The following RNF217 variants were observed in gnomAD, a reference collection of about 807,000 sequenced individuals.
RNF217 encodes ring finger protein 217, also known as E3 ubiquitin-protein ligase RNF217.
A neutral mutation model predicts 57.8 loss-of-function variants in RNF217; 31 were observed. The ratio of observed to expected loss-of-function variants is 0.54; its 90% CI spans 0.40 to 0.72. The LOEUF (loss-of-function observed/expected upper bound fraction) is 0.72. Ranked by LOEUF, RNF217 falls within the 30% of genes least tolerant of loss-of-function variation. RNF217 has a pLI of 0.00. For synonymous variants in RNF217, 313 were observed against 294.0 expected (o/e 1.06, Z -0.66); for missense variants, 696 against 708.3 (o/e 0.98, Z 0.20).
In RNF217 at chr6:124,962,719, T is replaced by G; in HGVS notation, c.175T>G (p.Trp59Gly). Residue 59 changes from tryptophan (W) to glycine (G), a missense_variant, in exon 1 of 6, where the codon TGG becomes GGG. Around this residue, in one of 2 missense-constraint regions of RNF217, gnomAD observed 465 missense variants for 386.8 expected, o/e 1.20. Coordinates refer to ENST00000521654, the MANE Select transcript of RNF217 (RefSeq NM_001286398.3). The surrounding 1 kb of genome is among the most constrained non-coding windows in gnomAD (Gnocchi z 4.6). The part of the protein sequence containing the change: ...EPSGGGCGSD[W>G]GCADTSAPEP... Reference sequence around the variant, plus strand: ...GAGCGGCGGTGGCTGCGGAAGCGACTGGGGCTGCGCGGACACCAGCGCCCC... The same window carrying G: ...GAGCGGCGGTGGCTGCGGAAGCGACGGGGGCTGCGCGGACACCAGCGCCCC... 1 of 1,518,672 alleles carries G rather than the reference T, an allele frequency of 6.6e-7. No individual in the cohort carries two copies. The highest frequency in any genetic ancestry group is 8.7e-7 in the Non-Finnish European group (1 of 1,145,828). The allele number at this position is 1,518,672 out of a possible 1,614,324, so 94.1% of individuals were successfully genotyped here.
chr6:125,065,232 A>C (rs1582769557), intron 3 of RNF217, among the ~76,000 whole-genome samples: 1 of 149,758 alleles, frequency 6.7e-6, no homozygotes, highest in Non-Finnish European at 1.5e-5. Flanking sequence ...CAGAGGTTGC[A>C]GTGAGCCGAG....
chr6:124,983,952 T>G (rs534210671), intron 1 of RNF217, among the ~76,000 whole-genome samples: 2 of 152,282 alleles, frequency 1.3e-5, no homozygotes, highest in South Asian at 4.1e-4. Context: ...GCACCTTCTA[T>G]GCATCCTCAC....
chr6:125,032,822 A>C (rs1400617316), intron 1 of RNF217, among the ~76,000 whole-genome samples: 1 of 152,206 alleles, frequency 6.6e-6, no homozygotes, highest in Non-Finnish European at 1.5e-5. Context: ...AGAAAAGTTT[A>C]AGTAATGTAA....
At chr6:124,969,571 AG>A (rs1783683671) in intron 1 of RNF217, among the ~76,000 whole-genome samples, 1 of 152,198 alleles carries the variant, frequency 6.6e-6, no homozygotes, top group African/African-American at 2.4e-5. Context: ...ATAGTAAGAA[AG>A]ACCATTTATT....
intron 3 of RNF217, among the ~76,000 whole-genome samples, chr6:125,071,490 G>A (rs1168891810): frequency 4.0e-5 from 1 of 25,214 alleles, no homozygotes; most frequent in Non-Finnish European, 9.2e-5. Context: ...ACATATGTGT[G>A]TGTGTGTGTG....
chr6:125,075,272 G>C (rs548118511), intron 3 of RNF217, among the ~76,000 whole-genome samples: 2 of 152,264 alleles, frequency 1.3e-5, no homozygotes, highest in South Asian at 4.2e-4. Flanking sequence ...TGAAGTAGTA[G>C]ACTATTTTTA....
Position 125,045,341 on chromosome 6 carries a change from G to T in RNF217, c.1013G>T (p.Arg338Leu). ...IKYKYFLELGRIDSSTKPCPQ... is the reference protein window; with the variant it reads ...IKYKYFLELGLIDSSTKPCPQ... Reference sequence around the variant, plus strand: ...TATAAGTACTTCTTGGAACTTGGCCGTATTGATTCCAGCACCAAGCCATGT... The same window carrying T: ...TATAAGTACTTCTTGGAACTTGGCCTTATTGATTCCAGCACCAAGCCATGT... Residue 338 changes from arginine to leucine, a missense_variant, in exon 2 of 6, where the codon CGT becomes CTT. Physicochemically the swap from Arg to Leu is moderately radical, Grantham distance 102. Coordinates refer to ENST00000521654, the MANE Select transcript of RNF217 (RefSeq NM_001286398.3). 2 of 1,613,348 alleles carry T rather than the reference G, an allele frequency of 1.2e-6. No homozygotes were observed. Among genetic ancestry groups the T allele is most frequent in the Non-Finnish European group, 1.7e-6 (2 of 1,179,624 alleles).
rs372456171 is a variant in RNF217, at chr6:125,086,285, C to A, written c.*3348C>A. ...TTCTGCCTGATTAGCCAAATAAATA[C>A]CTTGCCAAAACTTACAATAGGAAAT... On this transcript the variant is annotated 3_prime_UTR_variant, in exon 6 of 6. Transcript: ENST00000521654. The A allele has an allele frequency of 6.6e-6, 1 of 151,796 alleles. No homozygotes were observed. Among genetic ancestry groups the A allele is most frequent in the Non-Finnish European group, 1.5e-5 (1 of 67,912 alleles). 9.4% of individuals were successfully genotyped at this position (151,796 alleles called of 1,614,324 possible).
rs2114331281 is a variant in RNF217, at chr6:125,007,690, G to A, written c.883-37521G>A. ...CTTGTTCTTAACTGTGGTTTGCACT[G>A]TCTTATAGTCATCCTTACTGGGGGG... is the stretch of plus-strand genomic sequence containing the variant. On this transcript the variant is annotated intron_variant, in intron 1 of 5. Transcript: ENST00000521654. Among the ~76,000 whole-genome samples, 3 of 152,252 alleles carry A rather than the reference G, an allele frequency of 2.0e-5. No individual in the cohort carries two copies. The South Asian group carries it at 6.2e-4, about 32-fold the overall frequency.
Position 125,054,965 on chromosome 6 carries a change from T to C in RNF217, c.1117-2977T>C, listed in dbSNP as rs565862221. Reference sequence around the variant, plus strand: ...ACTCCATGTGGTGGGTATGTGGTTGTGAGATAGCATTTCATGTGGAAGAAT... The same window carrying C: ...ACTCCATGTGGTGGGTATGTGGTTGCGAGATAGCATTTCATGTGGAAGAAT... On this transcript the variant is annotated intron_variant, in intron 2 of 5. Transcript: ENST00000521654. 2.6e-5 allele frequency among the ~76,000 whole-genome samples: 4 copies of C among 152,166 alleles called. No individual in the cohort carries two copies. In the South Asian group the frequency reaches 6.2e-4, roughly 24 times the overall value.
chr6:125,066,204 G>A (rs1325190795), intron 3 of RNF217, among the ~76,000 whole-genome samples: 1 of 152,172 alleles, frequency 6.6e-6, no homozygotes, highest in South Asian at 2.1e-4. Context: ...CCTCCTAACT[G>A]GTATCTCATT....
At chr6:125,022,317 A>T (rs1054248606) in intron 1 of RNF217, among the ~76,000 whole-genome samples, 2 of 152,218 alleles carry the variant, frequency 1.3e-5, no homozygotes, top group Non-Finnish European at 2.9e-5. Context: ...GCTCCATTAT[A>T]TACAGTACGA....
Position 125,073,492 on chromosome 6 carries a change from AC to A in RNF217, c.1282-3163del, listed in dbSNP as rs1788230780. On this transcript the variant is annotated intron_variant, in intron 3 of 5. Coordinates refer to ENST00000521654, the MANE Select transcript of RNF217 (RefSeq NM_001286398.3). The stretch of plus-strand genomic sequence containing the variant: ...TTAAACAATCTACAGGCCTTGCAAA[AC>A]CTGGATCCACTGCTACTGGTCTGTC... Among the ~76,000 whole-genome samples the A allele has an allele frequency of 2.0e-5, 3 of 152,174 alleles. No homozygotes were observed. The East Asian group carries it at 5.8e-4, about 29-fold the overall frequency.
At chr6:125,065,827 A>T (rs190924268) in intron 3 of RNF217, among the ~76,000 whole-genome samples, 1 of 152,210 alleles carries the variant, frequency 6.6e-6, no homozygotes, top group African/African-American at 2.4e-5. Context: ...CTGTTGGCTC[A>T]GTCGGTAGGC....
chr6:125,004,843 A>C (rs1356365563), intron 1 of RNF217, among the ~76,000 whole-genome samples: 1 of 152,216 alleles, frequency 6.6e-6, no homozygotes, highest in Non-Finnish European at 1.5e-5. Flanking sequence ...AAAGGAAATA[A>C]AGGCACTTTC....
Position 125,088,834 on chromosome 6 carries a change from T to C in RNF217, c.*5897T>C, listed in dbSNP as rs1163076687. On this transcript the variant is annotated 3_prime_UTR_variant, in exon 6 of 6. Coordinates refer to ENST00000521654, the MANE Select transcript of RNF217 (RefSeq NM_001286398.3). ...TCAGTTCTGTGCTATATTCTGTCACTCTATTCCATTATTAATACTAAATGA... is the reference window on the plus strand; with the variant it reads ...TCAGTTCTGTGCTATATTCTGTCACCCTATTCCATTATTAATACTAAATGA... 1 of 149,822 alleles carries C rather than the reference T, an allele frequency of 6.7e-6. No individual in the cohort carries two copies. The highest frequency in any genetic ancestry group is 1.5e-5 in the Non-Finnish European group (1 of 65,892). 9.3% of individuals were successfully genotyped at this position (149,822 alleles called of 1,614,324 possible).
At position 125,089,434 on chromosome 6, in the gene RNF217, G is replaced by A. The variant is rs1376882399; in HGVS notation, c.*6497G>A. 6.6e-6 allele frequency: 1 copy of A among 152,144 alleles called. No homozygotes were observed. Among genetic ancestry groups the A allele is most frequent in the Non-Finnish European group, 1.5e-5 (1 of 68,026 alleles). 9.4% of individuals were successfully genotyped at this position (152,144 alleles called of 1,614,324 possible). On this transcript the variant is annotated 3_prime_UTR_variant, in exon 6 of 6. Transcript: ENST00000521654. ...CTTGGACTTGGGGTGGATTTATATA[G>A]TGTAGCATTTGTATATAAGATTCAA...
chr6:125,028,822 A>T (rs1391475680), intron 1 of RNF217, among the ~76,000 whole-genome samples: 1 of 151,648 alleles, frequency 6.6e-6, no homozygotes, highest in Admixed American at 6.6e-5. Context: ...GATGTGTTCC[A>T]CTGGGCTTTT....
In RNF217 at chr6:125,071,484, A is replaced by G. The variant is rs796861636; in HGVS notation, c.1282-5173A>G. 5.1e-5 allele frequency among the ~76,000 whole-genome samples: 7 copies of G among 136,838 alleles called. No individual in the cohort carries two copies. In the South Asian group the frequency reaches 1.0e-3, roughly 20 times the overall value. 89.8% of individuals were successfully genotyped at this position (136,838 alleles called of 152,430 possible). A position where few individuals can be genotyped will look rare whatever the true frequency, so the allele number is the denominator to read the frequency against. ...TTCAACTTGGAGCATCTGCCTACAT[A>G]TGTGTGTGTGTGTGTGTGTGTGTGT... On this transcript the variant is annotated intron_variant, in intron 3 of 5. Coordinates refer to ENST00000521654, the MANE Select transcript of RNF217 (RefSeq NM_001286398.3).
Sources: allele counts gnomAD v4.1 joint callset (sites outside exome capture counted in the v4.1 genomes callset), GRCh38; gene constraint gnomAD v4.1.1; regional missense constraint gnomAD v4.1.1; non-coding constraint Gnocchi (gnomAD v3.1); transcripts MANE v1.5; gene names NCBI Gene and HGNC (gene_info 2026-07-23, HGNC 2026-07-21).